Variants in SLC19A2 observed in about 807,000 individuals in gnomAD.
The protein encoded by SLC19A2 is thiamine transporter 1.
A neutral mutation model predicts 44.7 loss-of-function variants in SLC19A2; 27 were observed. The ratio of observed to expected loss-of-function variants is 0.60; its 90% CI spans 0.45 to 0.83. The LOEUF (loss-of-function observed/expected upper bound fraction) is 0.83, where lower values mean the gene tolerates loss of function less well. SLC19A2 is among the 40% of genes least tolerant of loss of function. SLC19A2 has a pLI of 0.00. For synonymous variants in SLC19A2, 239 were observed against 243.6 expected (o/e 0.98, Z 0.18); for missense variants, 566 against 613.7 (o/e 0.92, Z 0.82).
intron 2 of SLC19A2, chr1:169,474,054 A>G (rs1214668977): frequency 2.0e-5 from 3 of 152,190 alleles, no homozygotes; most frequent in Non-Finnish European, 2.9e-5. Flanking sequence ...TCACTTTCTT[A>G]AAAACTCACA....
chr1:169,473,261 CAG>C (rs1658231747), intron 2 of SLC19A2, among the ~76,000 whole-genome samples: 1 of 151,906 alleles, frequency 6.6e-6, no homozygotes, highest in Admixed American at 6.6e-5. Context: ...TTTTTTGAGA[CAG>C]AGTCTCTGTT....
chr1:169,475,125 A>G (rs1409269947), intron 2 of SLC19A2, among the ~76,000 whole-genome samples: 1 of 152,170 alleles, frequency 6.6e-6, no homozygotes, highest in African/African-American at 2.4e-5. Flanking sequence ...TTGTGATTAG[A>G]GTCATTTCTA....
intron 4 of SLC19A2, 159 bp downstream of exon 4, chr1:169,468,485 T>C: frequency 1.4e-6 from 1 of 707,474 alleles, no homozygotes; most frequent in Non-Finnish European, 2.3e-6. Flanking sequence ...CTTGCCTAAA[T>C]GCTTCCTCAG....
Position 169,477,200 on chromosome 1 carries a change from C to A in SLC19A2, c.762G>T (p.Glu254Asp), listed in dbSNP as rs756122297. The change falls in exon 2 of 6, where the codon GAG (glutamate) becomes GAT (aspartate). Residue 254 changes from glutamate to aspartate, a missense_variant. Transcript: ENST00000236137. ...SNHLPGWEDI[E>D]SKIPLNMEEP... Reference sequence around the variant, plus strand: ...CCTCCATATTTAGAGGGATTTTTGACTCAATGTCCTCCCAGCCAGGAAGGT... The same window carrying A: ...CCTCCATATTTAGAGGGATTTTTGAATCAATGTCCTCCCAGCCAGGAAGGT... The A allele has an allele frequency of 6.2e-7, 1 of 1,614,032 alleles. No homozygotes were observed. The highest frequency in any genetic ancestry group is 1.1e-5 in the South Asian group (1 of 91,078).
intron 5 of SLC19A2, among the ~76,000 whole-genome samples, chr1:169,467,394 T>C (rs1218396012): frequency 6.6e-6 from 1 of 152,164 alleles, no homozygotes; most frequent in East Asian, 1.9e-4. Flanking sequence ...TTACTATTTC[T>C]CTCTTAGATC....
At chr1:169,471,684 G>A (rs1658185180) in intron 2 of SLC19A2, among the ~76,000 whole-genome samples, 1 of 144,762 alleles carries the variant, frequency 6.9e-6, no homozygotes, top group Non-Finnish European at 1.5e-5. Context: ...ACGTGTGTGT[G>A]TGTGTGTGTG....
chr1:169,463,982 GAATA>G lies in SLC19A2; in HGVS notation c.*1863_*1866del, dbSNP rs1399754225. Reference sequence around the variant, plus strand: ...ATAATTTTATAATCTATACAGAATTGAATAAAAAGTACAACAAATTATTTTCACT... The same window carrying G: ...ATAATTTTATAATCTATACAGAATTGAAAAGTACAACAAATTATTTTCACT... On this transcript the variant is annotated 3_prime_UTR_variant, in exon 6 of 6. Transcript: ENST00000236137. 4 of 152,084 alleles carry G rather than the reference GAATA, an allele frequency of 2.6e-5. No individual in the cohort carries two copies. Among genetic ancestry groups the G allele is most frequent in the Non-Finnish European group, 5.9e-5 (4 of 67,874 alleles). 9.4% of individuals were successfully genotyped at this position (152,084 alleles called of 1,614,324 possible).
chr1:169,467,988 GGT>G, intron 5 of SLC19A2, 121 bp downstream of exon 5: 1 of 923,382 alleles, frequency 1.1e-6, no homozygotes. Context: ...AAGGAAGGAG[GGT>G]ATGCTTTTAC....
At chr1:169,472,693 T>A (rs1035627508) in intron 2 of SLC19A2, among the ~76,000 whole-genome samples, 2 of 152,216 alleles carry the variant, frequency 1.3e-5, no homozygotes, top group Non-Finnish European at 2.9e-5. Flanking sequence ...ACTCAATCTA[T>A]TATCTGGCCA....
At chr1:169,478,318 G>C (rs1223249277) in intron 1 of SLC19A2, among the ~76,000 whole-genome samples, 1 of 150,750 alleles carries the variant, frequency 6.6e-6, no homozygotes, top group East Asian at 2.0e-4. Flanking sequence ...AAAAGTACTT[G>C]TATTACAACA....
chr1:169,471,453 G>C (rs1235668045), intron 2 of SLC19A2, among the ~76,000 whole-genome samples: 4 of 143,074 alleles, frequency 2.8e-5, no homozygotes, highest in African/African-American at 1.0e-4. Flanking sequence ...AACATAGTAA[G>C]ATCCCGTCTC....
rs745341264 is a variant in SLC19A2, at chr1:169,468,630, GC to G, written c.1223+13del. 5.3e-5 allele frequency: 85 copies of G among 1,611,410 alleles called. 1 individual carries two copies. In the East Asian group the frequency reaches 9.4e-4, roughly 18 times the overall value. On this transcript the variant is annotated intron_variant, in intron 4 of 5. Coordinates refer to ENST00000236137, the MANE Select transcript of SLC19A2 (RefSeq NM_006996.3). ...ACAATTTTTCCTAAGGCTTCTATGA[GC>G]CAAAATACATACGTTGCTATCGTGA...
chr1:169,464,276 C>T lies in SLC19A2; in HGVS notation c.*1573G>A, dbSNP rs1170697562. On this transcript the variant is annotated 3_prime_UTR_variant, in exon 6 of 6. Coordinates refer to ENST00000236137, the MANE Select transcript of SLC19A2 (RefSeq NM_006996.3). The stretch of plus-strand genomic sequence containing the variant: ...GGAGTACACAATTCCCAAATTAGCA[C>T]AAACAAAACAAAGCAAAAAAAGAAA... The T allele has an allele frequency of 6.6e-6, 1 of 152,422 alleles. No individual in the cohort carries two copies. The highest frequency in any genetic ancestry group is 1.5e-5 in the Non-Finnish European group (1 of 67,968). 9.4% of individuals were successfully genotyped at this position (152,422 alleles called of 1,614,324 possible).
chr1:169,485,283 G>A (rs1283551687), intron 1 of SLC19A2, among the ~76,000 whole-genome samples: 1 of 152,178 alleles, frequency 6.6e-6, no homozygotes, highest in Non-Finnish European at 1.5e-5. Flanking sequence ...GGGCAGTCAC[G>A]CTAAGCCACA....
At chr1:169,469,271 T>C (rs1228704331) in intron 3 of SLC19A2, 1 of 206,544 alleles carries the variant, frequency 4.8e-6, no homozygotes, top group Admixed American at 5.4e-5. Flanking sequence ...TAAGGATAGC[T>C]AAAATCTATG....
In SLC19A2 at chr1:169,477,197, T is replaced by G; in HGVS notation, c.765A>C (p.Ser255=). The G allele has an allele frequency of 1.2e-6, 2 of 1,614,068 alleles. No individual in the cohort carries two copies. Among genetic ancestry groups the G allele is most frequent in the South Asian group, 2.2e-5 (2 of 91,078 alleles). Residue 255 remains serine (S), a synonymous_variant, in exon 2 of 6, where the codon TCA becomes TCC. Transcript: ENST00000236137. ...NHLPGWEDIE[S]KIPLNMEEPP... is the part of the protein sequence containing the mutation. ...GCTCCTCCATATTTAGAGGGATTTT[T>G]GACTCAATGTCCTCCCAGCCAGGAA... is the stretch of plus-strand genomic sequence containing the variant.
At chr1:169,466,585 A>G (rs1657999882) in intron 5 of SLC19A2, among the ~76,000 whole-genome samples, 1 of 151,810 alleles carries the variant, frequency 6.6e-6, no homozygotes. Flanking sequence ...TTATATAGGT[A>G]TACGTGTGCC....
chr1:169,476,215 T>A (rs891924637), intron 2 of SLC19A2, among the ~76,000 whole-genome samples: 4 of 152,082 alleles, frequency 2.6e-5, no homozygotes, highest in Non-Finnish European at 5.9e-5. Context: ...GATGGATAAA[T>A]TATTTTAATG....
chr1:169,471,060 CAA>C (rs34821464), intron 2 of SLC19A2, among the ~76,000 whole-genome samples: 22 of 133,422 alleles, frequency 1.6e-4, no homozygotes, highest in Non-Finnish European at 2.4e-4. Flanking sequence ...CTATCTCTAC[CAA>C]AAAAAAAAAA....
Sources: allele counts gnomAD v4.1 joint callset (sites outside exome capture counted in the v4.1 genomes callset), GRCh38; gene constraint gnomAD v4.1.1; transcripts MANE v1.5; gene names NCBI Gene and HGNC (gene_info 2026-07-23, HGNC 2026-07-21).